The following HNRNPC variants were observed in gnomAD, a reference collection of about 807,000 sequenced individuals.
The protein encoded by HNRNPC is heterogeneous nuclear ribonucleoproteins C1/C2.
In HNRNPC, 3 loss-of-function variants were observed where a neutral mutation model predicts 33.2. The ratio of observed to expected loss-of-function variants is 0.09; its 90% CI spans 0.04 to 0.23. The LOEUF (loss-of-function observed/expected upper bound fraction) is 0.23, where lower values mean the gene tolerates loss of function less well. Ranked by LOEUF, HNRNPC falls within the 10% of genes least tolerant of loss-of-function variation. The probability of loss-of-function intolerance (pLI) is 1.00; values close to 1 mark genes in which losing one functional copy is unlikely to be tolerated. For synonymous variants in HNRNPC, 121 were observed against 126.7 expected (o/e 0.96, Z 0.30); for missense variants, 143 against 366.7 (o/e 0.39, Z 4.98).
At chr14:21,245,553 T>C (rs1222929880) in intron 2 of HNRNPC, among the ~76,000 whole-genome samples, 1 of 151,982 alleles carries the variant, frequency 6.6e-6, no homozygotes, top group East Asian at 1.9e-4. Context: ...TTACCATGAA[T>C]GGAGCTTTTA....
At chr14:21,249,620 C>CAATGAATT (rs1896406581) in intron 2 of HNRNPC, among the ~76,000 whole-genome samples, 1 of 132,970 alleles carries the variant, frequency 7.5e-6, no homozygotes, top group African/African-American at 2.9e-5. Context: ...AAAAAAGAAT[C>CAATGAATT]AATGAATTGG....
intron 2 of HNRNPC, among the ~76,000 whole-genome samples, chr14:21,262,044 A>G (rs1269190213): frequency 6.6e-6 from 1 of 152,240 alleles, no homozygotes; most frequent in East Asian, 1.9e-4. Flanking sequence ...TCAGCCTTAG[A>G]CAGTTCCTAA....
chr14:21,219,102 C>G (rs1337997543), intron 5 of HNRNPC, among the ~76,000 whole-genome samples: 4 of 109,332 alleles, frequency 3.7e-5, no homozygotes. Context: ...GAGCGAGACT[C>G]TTTCTCAAAA....
intron 2 of HNRNPC, among the ~76,000 whole-genome samples, chr14:21,244,985 TG>T (rs746555628): frequency 6.8e-6 from 1 of 146,992 alleles, no homozygotes; most frequent in African/African-American, 2.5e-5. Context: ...CTCAGGAGGC[TG>T]AGGCAGGAGA....
In HNRNPC at chr14:21,244,367, G is replaced by A. The variant is rs1273992720; in HGVS notation, c.-36-10138C>T. 5.3e-5 allele frequency among the ~76,000 whole-genome samples: 8 copies of A among 152,152 alleles called. 1 individual carries two copies. Among genetic ancestry groups the A allele is most frequent in the Non-Finnish European group, 1.5e-5 (1 of 68,036 alleles). On this transcript the variant is annotated intron_variant, in intron 2 of 8. Coordinates refer to ENST00000553300, the MANE Select transcript of HNRNPC (RefSeq NM_004500.4). Reference sequence around the variant, plus strand: ...CCTTTCAATGTATGAGTGATGTAATGCAACAAATAAAAAATTAAGGTCTTA... The same window carrying A: ...CCTTTCAATGTATGAGTGATGTAATACAACAAATAAAAAATTAAGGTCTTA...
chr14:21,223,594 CA>C (rs1234819891), intron 5 of HNRNPC, among the ~76,000 whole-genome samples: 2 of 151,636 alleles, frequency 1.3e-5, no homozygotes, highest in African/African-American at 4.8e-5. Flanking sequence ...ACTAAAAACA[CA>C]AAAATTAGCC....
At chr14:21,214,988 G>A (rs1425610854) in intron 5 of HNRNPC, among the ~76,000 whole-genome samples, 1 of 152,156 alleles carries the variant, frequency 6.6e-6, no homozygotes, top group Non-Finnish European at 1.5e-5. Flanking sequence ...AAACCAATGA[G>A]CTAGCTAGCT....
At chr14:21,268,378 T>C in intron 1 of HNRNPC, among the ~76,000 whole-genome samples, 1 of 152,196 alleles carries the variant, frequency 6.6e-6, no homozygotes, top group Non-Finnish European at 1.5e-5. Flanking sequence ...TCTCGTAGTA[T>C]TTTTCTTAAG....
chr14:21,232,768 G>C (rs1011710453), intron 3 of HNRNPC, among the ~76,000 whole-genome samples: 3 of 152,212 alleles, frequency 2.0e-5, no homozygotes, highest in Non-Finnish European at 4.4e-5. Context: ...AGGTCCAATG[G>C]CTGACGCCTG....
chr14:21,226,117 T>C (rs1893393193), intron 5 of HNRNPC, among the ~76,000 whole-genome samples: 1 of 151,760 alleles, frequency 6.6e-6, no homozygotes, highest in Admixed American at 6.6e-5. Context: ...GGTGAGGAGT[T>C]TGAGACCAGT....
chr14:21,222,271 A>G (rs1892910997), intron 5 of HNRNPC, among the ~76,000 whole-genome samples: 1 of 152,162 alleles, frequency 6.6e-6, no homozygotes, highest in Non-Finnish European at 1.5e-5. Context: ...CAGGTTGACC[A>G]TATAATCACC....
chr14:21,212,005 CAGG>C, intron 6 of HNRNPC, 82 bp from the exon 7 acceptor site: 3 of 992,164 alleles, frequency 3.0e-6, no homozygotes, highest in Non-Finnish European at 4.7e-6. Context: ...CAGACTACAT[CAGG>C]AGCTCACAGG....
chr14:21,227,373 G>C (rs1179484677), intron 5 of HNRNPC, among the ~76,000 whole-genome samples: 1 of 152,146 alleles, frequency 6.6e-6, no homozygotes, highest in Non-Finnish European at 1.5e-5. Flanking sequence ...CTCTTTGCCA[G>C]CTATTACCTA....
At chr14:21,253,848 G>A (rs1039657493) in intron 2 of HNRNPC, among the ~76,000 whole-genome samples, 1 of 151,890 alleles carries the variant, frequency 6.6e-6, no homozygotes, top group African/African-American at 2.4e-5. Flanking sequence ...GGCAGATCAC[G>A]AGGTCAGCAA....
chr14:21,240,495 T>C lies in HNRNPC; in HGVS notation c.-36-6266A>G, dbSNP rs533592842. Among the ~76,000 whole-genome samples, 6 of 152,338 alleles carry C rather than the reference T, an allele frequency of 3.9e-5. No individual in the cohort carries two copies. In the East Asian group the frequency reaches 1.2e-3, roughly 29 times the overall value. On this transcript the variant is annotated intron_variant, in intron 2 of 8. Transcript: ENST00000553300. ...GGAAAAGGTACGGCAGTTTGCATTA[T>C]CTGAAGATTTTTTACATAAATAAAG...
intron 6 of HNRNPC, among the ~76,000 whole-genome samples, 155 bp downstream of exon 6, chr14:21,212,805 A>G (rs935299511): frequency 1.3e-5 from 2 of 152,092 alleles, no homozygotes; most frequent in African/African-American, 4.8e-5. Flanking sequence ...GGCCTCCCAA[A>G]GTGCTGGGAT....
chr14:21,219,622 T>C (rs1009293718), intron 5 of HNRNPC, among the ~76,000 whole-genome samples: 1 of 152,230 alleles, frequency 6.6e-6, no homozygotes, highest in Non-Finnish European at 1.5e-5. Flanking sequence ...TCTCCATTTT[T>C]TTCATTTTGG....
intron 5 of HNRNPC, among the ~76,000 whole-genome samples, chr14:21,215,985 G>C (rs1892133538): frequency 6.6e-6 from 1 of 151,236 alleles, no homozygotes; most frequent in Admixed American, 6.6e-5. Flanking sequence ...GGATGCAGTG[G>C]CACACCTGTA....
At chr14:21,218,042 A>G (rs999557728) in intron 5 of HNRNPC, among the ~76,000 whole-genome samples, 13 of 150,228 alleles carry the variant, frequency 8.7e-5, no homozygotes, top group Non-Finnish European at 1.9e-4. Flanking sequence ...TAAGAAAGGG[A>G]AAAAAAAAAT....
Sources: gnomAD v4.1 joint callset for allele counts (sites outside exome capture counted in the v4.1 genomes callset) on GRCh38, gnomAD v4.1.1 for gene constraint, MANE v1.5 for transcripts, NCBI Gene and HGNC (gene_info 2026-07-23, HGNC 2026-07-21) for gene names.